BABAM2: variants seen among roughly 807,000 people sequenced by gnomAD.
BABAM2 encodes the protein BRISC and BRCA1 A complex member 2, also known as BRISC and BRCA1-A complex member 2.
BABAM2 carries 31 observed loss-of-function variants against 54.7 expected under a neutral mutation model. The ratio of observed to expected loss-of-function variants is 0.57; its 90% CI spans 0.43 to 0.77. The LOEUF (loss-of-function observed/expected upper bound fraction) is 0.77. Among genes scored for constraint, BABAM2 ranks in the 30% least tolerant of loss-of-function variants. The pLI is 0.00. For synonymous variants in BABAM2, 167 were observed against 162.9 expected, an observed-to-expected ratio of 1.03 and a Z score of -0.19; for missense variants, 364 against 455.8, an observed-to-expected ratio of 0.80 and a Z score of 1.83.
intron 4 of BABAM2, among the ~76,000 whole-genome samples, chr2:28,019,274 A>C (rs1415828661): frequency 6.6e-6 from 1 of 152,168 alleles, no homozygotes; most frequent in African/African-American, 2.4e-5. Context: ...GATTGGTTCC[A>C]AGTCTTTGCT....
At chr2:28,302,300 C>G (rs191594945) in intron 11 of BABAM2, among the ~76,000 whole-genome samples, 4 of 151,990 alleles carry the variant, frequency 2.6e-5, no homozygotes, top group Non-Finnish European at 5.9e-5. Context: ...GCCTATAATC[C>G]CAGCTACTCC....
chr2:28,214,106 A>G (rs1679719637), intron 7 of BABAM2, among the ~76,000 whole-genome samples: 1 of 152,176 alleles, frequency 6.6e-6, no homozygotes, highest in Non-Finnish European at 1.5e-5. Context: ...TTGGCATGTT[A>G]CTGCTAACTA....
rs930533671 is a variant in BABAM2, at chr2:27,903,503, T to C, written c.128+8819T>C. ...ACCCTGATGAGAGGCAAATTGAGAA[T>C]TGAAGGTTAGAGAAGCTCTCTCTGA... On this transcript the variant is annotated intron_variant, in intron 2 of 11. Coordinates refer to ENST00000379624, the MANE Select transcript of BABAM2 (RefSeq NM_199191.3). Among the ~76,000 whole-genome samples, 3 of 152,314 alleles carry C rather than the reference T, an allele frequency of 2.0e-5. No homozygotes were observed. In the South Asian group the frequency reaches 6.2e-4, roughly 32 times the overall value.
In BABAM2 at chr2:28,129,370, C is replaced by G. The variant is rs770087428; in HGVS notation, c.670C>G (p.Arg224Gly). The change falls in exon 7 of 12, where the codon CGA (arginine) becomes GGA (glycine). Residue 224 changes from arginine to glycine, a missense_variant. By Grantham distance (125) the Arg-to-Gly change is moderately radical. Coordinates refer to ENST00000379624, the MANE Select transcript of BABAM2 (RefSeq NM_199191.3). ...GTACCCCAAGCTGTACTTGTCACCT[C>G]GAATTGAGCAGTAAGTGTCATTAAC... is the stretch of plus-strand genomic sequence containing the variant. ...QVYPKLYLSP[R>G]IEHALGGSSA... 2.4e-5 allele frequency: 39 copies of G among 1,612,388 alleles called. No homozygotes were observed. Among genetic ancestry groups the G allele is most frequent in the Non-Finnish European group, 3.2e-5 (38 of 1,178,514 alleles).
At chr2:28,161,331 G>T (rs979238173) in intron 7 of BABAM2, among the ~76,000 whole-genome samples, 1 of 152,116 alleles carries the variant, frequency 6.6e-6, no homozygotes, top group South Asian at 2.1e-4. Flanking sequence ...AGGTGCTGGG[G>T]TCAACCAGTG....
At chr2:28,062,108 A>T (rs1461539892) in intron 6 of BABAM2, among the ~76,000 whole-genome samples, 4 of 152,110 alleles carry the variant, frequency 2.6e-5, no homozygotes. Context: ...AAATACAAAA[A>T]TTAGCTGGGC....
intron 10 of BABAM2, among the ~76,000 whole-genome samples, chr2:28,285,140 T>C (rs1686684171): frequency 6.6e-6 from 1 of 152,222 alleles, no homozygotes; most frequent in Non-Finnish European, 1.5e-5. Flanking sequence ...CCTGTATTTA[T>C]TGAGCACTTT....
intron 3 of BABAM2, among the ~76,000 whole-genome samples, chr2:27,987,635 C>T (rs1393799011): frequency 2.6e-5 from 4 of 151,636 alleles, no homozygotes; most frequent in Non-Finnish European, 5.9e-5. Context: ...CACAACATGG[C>T]GAAACCCCAT....
chr2:28,179,560 A>G (rs555682103), intron 7 of BABAM2, among the ~76,000 whole-genome samples: 2 of 152,324 alleles, frequency 1.3e-5, no homozygotes, highest in South Asian at 2.1e-4. Flanking sequence ...TCCTTTAAGA[A>G]CTGGAACAAG....
At position 28,325,240 on chromosome 2, in the gene BABAM2, C is replaced by T. The variant is rs538370186; in HGVS notation, c.1089-13210C>T. Among the ~76,000 whole-genome samples the T allele has an allele frequency of 3.3e-5, 5 of 152,280 alleles. No individual in the cohort carries two copies. Among genetic ancestry groups the T allele is most frequent in the South Asian group, 4.1e-4 (2 of 4,824 alleles). On this transcript the variant is annotated intron_variant, in intron 11 of 11. Coordinates refer to ENST00000379624, the MANE Select transcript of BABAM2 (RefSeq NM_199191.3). This position sits in a 1 kb window ranked among gnomAD's most constrained non-coding sequence, Gnocchi z 4.3. ...TCCTTCCCTCCCTCCCTTTCTGTAACGGAAGCCTGGGGCCGCAGGGCTACC... is the reference window on the plus strand; with the variant it reads ...TCCTTCCCTCCCTCCCTTTCTGTAATGGAAGCCTGGGGCCGCAGGGCTACC...
Position 28,080,146 on chromosome 2 carries a change from G to A in BABAM2, c.570+34347G>A, listed in dbSNP as rs562779753. Among the ~76,000 whole-genome samples, 12 of 152,078 alleles carry A rather than the reference G, an allele frequency of 7.9e-5. No homozygotes were observed. In the South Asian group the frequency reaches 2.5e-3, roughly 32 times the overall value. On this transcript the variant is annotated intron_variant, in intron 6 of 11. Coordinates refer to ENST00000379624, the MANE Select transcript of BABAM2 (RefSeq NM_199191.3). ...TTAGATTTTTAAAAGTAGTTAAATT[G>A]GGCATCTTTTATCATATTTGTCTTT...
At chr2:28,199,619 A>T (rs1327902645) in intron 7 of BABAM2, among the ~76,000 whole-genome samples, 3 of 152,202 alleles carry the variant, frequency 2.0e-5, no homozygotes, top group Non-Finnish European at 4.4e-5. Context: ...TAGTGTCCTA[A>T]GCTAAGGCTG....
rs530414597 is a variant in BABAM2 at position 28,224,990 on chromosome 2, A to T, written c.681-12212A>T. Among the ~76,000 whole-genome samples, 7 of 152,302 alleles carry T rather than the reference A, an allele frequency of 4.6e-5. No individual in the cohort carries two copies. The East Asian group carries it at 1.3e-3, about 29-fold the overall frequency. ...TGGAAAAATGATGAAGTTGCAAAAA[A>T]AGGAGAGTGGATAGGGAGTGAACTG... On this transcript the variant is annotated intron_variant, in intron 7 of 11. Transcript: ENST00000379624.
intron 6 of BABAM2, among the ~76,000 whole-genome samples, chr2:28,105,979 A>C (rs1667489931): frequency 2.0e-5 from 3 of 151,642 alleles, no homozygotes. Flanking sequence ...CTTTCCTTTA[A>C]AAGAAAATTT....
chr2:27,925,967 A>G (rs2148341924), intron 2 of BABAM2, among the ~76,000 whole-genome samples: 1 of 152,274 alleles, frequency 6.6e-6, no homozygotes, highest in African/African-American at 2.4e-5. Context: ...ACAGGCAAGG[A>G]TCTCTGTAGA....
At chr2:28,026,438 T>C (rs148816388) in intron 5 of BABAM2, among the ~76,000 whole-genome samples, 1,850 of 151,846 alleles carry the variant, frequency 0.012, 40 homozygotes, top group African/African-American at 0.042. Context: ...TGCAGGGACA[T>C]GGATGAAGCT....
chr2:28,241,200 G>C (rs1441671229), intron 8 of BABAM2, 123 bp from the exon 9 acceptor site: 1 of 861,458 alleles, frequency 1.2e-6, no homozygotes, highest in African/African-American at 1.7e-5. Context: ...GTTGAATGTA[G>C]GTAGTGGGAA....
chr2:27,973,503 G>T lies in BABAM2; in HGVS notation c.206-14490G>T, dbSNP rs1374692877. Among the ~76,000 whole-genome samples the T allele has an allele frequency of 2.0e-5, 3 of 151,728 alleles. No individual in the cohort carries two copies. The East Asian group carries it at 5.8e-4, about 29-fold the overall frequency. ...GCTCTAGTGATGAAACAGGACTCTT[G>T]CAGTAGCCTCTTAGACTCTTTTCTT... is the stretch of plus-strand genomic sequence containing the variant. On this transcript the variant is annotated intron_variant, in intron 3 of 11. Coordinates refer to ENST00000379624, the MANE Select transcript of BABAM2 (RefSeq NM_199191.3).
chr2:28,114,970 G>A (rs1023780473), intron 6 of BABAM2, among the ~76,000 whole-genome samples: 1 of 152,120 alleles, frequency 6.6e-6, no homozygotes, highest in Non-Finnish European at 1.5e-5. Flanking sequence ...AATATATGTA[G>A]TCATTCATAT....
Sources: gnomAD v4.1 joint callset for allele counts (sites outside exome capture counted in the v4.1 genomes callset) on GRCh38, gnomAD v4.1.1 for gene constraint, Gnocchi (gnomAD v3.1) non-coding constraint, MANE v1.5 for transcripts, NCBI Gene and HGNC (gene_info 2026-07-23, HGNC 2026-07-21) for gene names.